Variants in POMC observed in about 807,000 individuals in gnomAD.
POMC encodes pro-opiomelanocortin.
POMC carries 19 observed loss-of-function variants against 18.5 expected under a neutral mutation model. The observed-to-expected ratio is 1.03, with a 90% confidence interval of 0.72 to 1.51. POMC has a LOEUF of 1.51. Ranked by LOEUF, POMC falls within the 40% of genes most tolerant of loss-of-function variation. POMC has a pLI of 0.00. For synonymous variants in POMC, 179 were observed against 161.9 expected, an observed-to-expected ratio of 1.11 and a Z score of -0.80; for missense variants, 451 against 379.0, an observed-to-expected ratio of 1.19 and a Z score of -1.58.
Position 25,161,818 on chromosome 2 carries a change from G to C in POMC, c.133-66C>G. 6.6e-7 allele frequency: 1 copy of C among 1,514,216 alleles called. No homozygotes were observed. The highest frequency in any genetic ancestry group is 8.8e-7 in the Non-Finnish European group (1 of 1,134,234). The allele number at this position is 1,514,216 out of a possible 1,614,324, so 93.8% of individuals were successfully genotyped here. A position where few individuals can be genotyped will look rare whatever the true frequency, so the allele number is the denominator to read the frequency against. ...GCACCCCGGCCCGGCTGCCGCGCCC[G>C]TCACTGCGCCTAGGCCCTGGCCGCC... is the stretch of plus-strand genomic sequence containing the variant. On this transcript the variant is annotated intron_variant, in intron 2 of 2. Transcript: ENST00000395826. The surrounding 1 kb of genome is among the most constrained non-coding windows in gnomAD (Gnocchi z 5.7).
chr2:25,164,339 C>T (rs894735711), intron 2 of POMC, among the ~76,000 whole-genome samples: 1 of 152,064 alleles, frequency 6.6e-6, no homozygotes. Flanking sequence ...TTGAGGGGTC[C>T]ATTATTGCTC....
rs1047914557 is a variant in POMC, at chr2:25,168,170, G to A, written c.-21+328C>T. Reference sequence around the variant, plus strand: ...ACTCCGTCTCAAAAAAAAAAAAAAAGACCGGGTTGTCCCAAGACCTCCTAG... The same window carrying A: ...ACTCCGTCTCAAAAAAAAAAAAAAAAACCGGGTTGTCCCAAGACCTCCTAG... On this transcript the variant is annotated intron_variant, in intron 1 of 2. Coordinates refer to ENST00000395826, the MANE Select transcript of POMC (RefSeq NM_000939.4). The surrounding 1 kb of genome is among the most constrained non-coding windows in gnomAD (Gnocchi z 5.2). Among the ~76,000 whole-genome samples the A allele has an allele frequency of 3.0e-5, 4 of 134,546 alleles. No individual in the cohort carries two copies. The highest frequency in any genetic ancestry group is 2.2e-4 in the East Asian group (1 of 4,584). 88.3% of individuals were successfully genotyped at this position (134,546 alleles called of 152,430 possible). A position where few individuals can be genotyped will look rare whatever the true frequency, so the allele number is the denominator to read the frequency against.
At chr2:25,163,192 G>C (rs1440576285) in intron 2 of POMC, among the ~76,000 whole-genome samples, 1 of 152,210 alleles carries the variant, frequency 6.6e-6, no homozygotes, top group Non-Finnish European at 1.5e-5. Flanking sequence ...ACAACTCTGT[G>C]GAACGTTAAC....
At position 25,168,191 on chromosome 2, in the gene POMC, C is replaced by T. The variant is rs914298393; in HGVS notation, c.-21+307G>A. Among the ~76,000 whole-genome samples the T allele has an allele frequency of 1.3e-5, 2 of 152,032 alleles. No homozygotes were observed. Among genetic ancestry groups the T allele is most frequent in the African/African-American group, 4.8e-5 (2 of 41,390 alleles). On this transcript the variant is annotated intron_variant, in intron 1 of 2. Transcript: ENST00000395826. This position sits in a 1 kb window ranked among gnomAD's most constrained non-coding sequence, Gnocchi z 5.2. ...AAAAGACCGGGTTGTCCCAAGACCT[C>T]CTAGCAAGCTCTCGGAGCCTCCGGA...
intron 2 of POMC, among the ~76,000 whole-genome samples, chr2:25,162,246 C>G (rs1462860834): frequency 6.6e-6 from 1 of 152,118 alleles, no homozygotes; most frequent in African/African-American, 2.4e-5. Context: ...GTCAGGAGTT[C>G]AAGACCAGCC....
chr2:25,162,769 A>G (rs7565427), intron 2 of POMC, among the ~76,000 whole-genome samples: 135,203 of 152,246 alleles, frequency 0.89, 60,117 homozygotes, highest in East Asian at 1. Context: ...CTCAGTGATG[A>G]AAAACCTACT....
intron 1 of POMC, among the ~76,000 whole-genome samples, chr2:25,165,047 G>A (rs1558630803): frequency 6.6e-6 from 1 of 152,216 alleles, no homozygotes; most frequent in Non-Finnish European, 1.5e-5. Flanking sequence ...CCCTAAAAAG[G>A]TTAAGGCTGG....
chr2:25,165,397 G>A (rs959015094), intron 1 of POMC, among the ~76,000 whole-genome samples: 6 of 152,132 alleles, frequency 3.9e-5, no homozygotes, highest in South Asian at 4.1e-4. Flanking sequence ...GCAGCATTTC[G>A]AGCAGCCTGA....
Position 25,161,311 on chromosome 2 carries a change from C to T in POMC, c.574G>A (p.Asp192Asn), listed in dbSNP as rs775159616. ...CCTGCGCCGTCATCGGCAGGGCCGT[C>T]GGGGCCATCTCCCTCCCGGAGTCGC... Reference protein sequence around the residue: ...GQRLREGDGPDGPADDGAGAQ... With the variant: ...GQRLREGDGPNGPADDGAGAQ... The change falls in exon 3 of 3, where the codon GAC (aspartate) becomes AAC (asparagine). Residue 192 changes from aspartate (D) to asparagine (N), a missense_variant. By Grantham distance (23) the Asp-to-Asn change is conservative. Transcript: ENST00000395826. The surrounding 1 kb of genome is among the most constrained non-coding windows in gnomAD (Gnocchi z 5.7). 2 of 1,608,768 alleles carry T rather than the reference C, an allele frequency of 1.2e-6. No homozygotes were observed. Among genetic ancestry groups the T allele is most frequent in the Admixed American group, 1.7e-5 (1 of 59,310 alleles).
At chr2:25,167,186 C>T (rs1172622098) in intron 1 of POMC, among the ~76,000 whole-genome samples, 2 of 152,192 alleles carry the variant, frequency 1.3e-5, no homozygotes, top group Non-Finnish European at 2.9e-5. Context: ...TACACCATGA[C>T]ATACATGCAT....
chr2:25,164,851 T>C, intron 1 of POMC, 59 bp from the exon 2 acceptor site: 1 of 1,588,386 alleles, frequency 6.3e-7, no homozygotes, highest in Admixed American at 1.7e-5. Flanking sequence ...TGTTGGCCAC[T>C]CACCAGGAAG....
At chr2:25,162,666 G>A (rs1210339092) in intron 2 of POMC, among the ~76,000 whole-genome samples, 1 of 151,502 alleles carries the variant, frequency 6.6e-6, no homozygotes, top group African/African-American at 2.4e-5. Flanking sequence ...GGGAGATCGC[G>A]CCACTGCACT....
rs775229698 is a variant in POMC at position 25,164,744 on chromosome 2, C to A, written c.29G>T (p.Gly10Val). 1 of 1,614,128 alleles carries A rather than the reference C, an allele frequency of 6.2e-7. No homozygotes were observed. Among genetic ancestry groups the A allele is most frequent in the Non-Finnish European group, 8.5e-7 (1 of 1,180,032 alleles). The change falls in exon 2 of 3, where the codon GGG (glycine) becomes GTG (valine). Residue 10 changes from glycine (G) to valine (V), a missense_variant. Transcript: ENST00000395826. ...AAGCAGCAAGGCCAGCAACAGGGCC[C>A]CCGAGCGGCTGCAGCACGATCTCGG... MPRSCCSRS[G>V]ALLLALLLQA...
chr2:25,164,239 G>A lies in POMC; in HGVS notation c.132+402C>T, dbSNP rs116601532. 7.8e-3 allele frequency among the ~76,000 whole-genome samples: 1,183 copies of A among 152,228 alleles called. 13 individuals carry two copies. The highest frequency in any genetic ancestry group is 0.026 in the African/African-American group (1,067 of 41,530). ...TTTTGCAACCGGTAGTAGATAAAAG[G>A]GTAAGAAATATGGAATGAAAATGGC... On this transcript the variant is annotated intron_variant, in intron 2 of 2. Transcript: ENST00000395826.
chr2:25,164,302 A>G (rs1671482153), intron 2 of POMC, among the ~76,000 whole-genome samples: 1 of 152,220 alleles, frequency 6.6e-6, no homozygotes, highest in South Asian at 2.1e-4. Context: ...TAGTTTGGGA[A>G]GCTAAAGATT....
At chr2:25,163,623 G>A (rs932028343) in intron 2 of POMC, among the ~76,000 whole-genome samples, 2 of 152,118 alleles carry the variant, frequency 1.3e-5, no homozygotes, top group African/African-American at 2.4e-5. Flanking sequence ...ATGGGGGTTT[G>A]TTTGTTTGTT....
chr2:25,164,817 G>A (rs1388548670), intron 1 of POMC, 25 bp from the exon 2 acceptor site: 11 of 1,611,678 alleles, frequency 6.8e-6, no homozygotes, highest in South Asian at 3.3e-5. Context: ...AAGATTGGTG[G>A]GACCCCTGCA....
chr2:25,166,196 G>A (rs755446082), intron 1 of POMC, among the ~76,000 whole-genome samples: 6 of 152,214 alleles, frequency 3.9e-5, no homozygotes, highest in South Asian at 2.1e-4. Flanking sequence ...AAGGGTTGCC[G>A]GGCAAGGCTG....
chr2:25,162,767 T>TG (rs1671437044), intron 2 of POMC, among the ~76,000 whole-genome samples: 1 of 152,180 alleles, frequency 6.6e-6, no homozygotes, highest in African/African-American at 2.4e-5. Flanking sequence ...ACCTCAGTGA[T>TG]GAAAAACCTA....
Sources: allele counts gnomAD v4.1 joint callset (sites outside exome capture counted in the v4.1 genomes callset), GRCh38; gene constraint gnomAD v4.1.1; non-coding constraint Gnocchi (gnomAD v3.1); transcripts MANE v1.5; gene names NCBI Gene and HGNC (gene_info 2026-07-23, HGNC 2026-07-21).